Variants in CELF2 observed in about 807,000 individuals in gnomAD.
CELF2 encodes CUGBP Elav-like family member 2, also known as CUG triplet repeat RNA-binding protein 2.
CELF2 carries 8 observed loss-of-function variants against 62.6 expected under a neutral mutation model. The ratio of observed to expected loss-of-function variants is 0.13; its 90% CI spans 0.07 to 0.23. CELF2 has a LOEUF of 0.23. Among genes scored for constraint, CELF2 ranks in the 10% least tolerant of loss-of-function variants. The pLI is 1.00. For synonymous variants in CELF2, 258 were observed against 250.0 expected (o/e 1.03, Z -0.30); for missense variants, 333 against 671.0 (o/e 0.50, Z 5.56).
the CELF2 span, among the ~76,000 whole-genome samples, chr10:10,504,718 TG>T: frequency 6.6e-6 from 1 of 152,098 alleles, no homozygotes; most frequent in Non-Finnish European, 1.5e-5. Context: ...TCTGAGTCCA[TG>T]TTTTTTTTTC....
At chr10:11,250,575 G>A (rs1033191161) in intron 4 of CELF2, among the ~76,000 whole-genome samples, 1 of 152,184 alleles carries the variant, frequency 6.6e-6, no homozygotes, top group Non-Finnish European at 1.5e-5. Context: ...CGTGTGCCAC[G>A]CATGTTGCTA....
intron 2 of CELF2, among the ~76,000 whole-genome samples, chr10:11,204,518 G>A (rs1284119535): frequency 3.9e-5 from 6 of 152,212 alleles, no homozygotes; most frequent in African/African-American, 4.8e-5. Flanking sequence ...AGGAACCTCC[G>A]GTGCCTGGCA....
chr10:10,736,745 T>C, the CELF2 span, among the ~76,000 whole-genome samples: 6 of 152,112 alleles, frequency 3.9e-5, no homozygotes, highest in African/African-American at 1.2e-4. Flanking sequence ...ATCATCAATT[T>C]TGCAGGACTC....
At chr10:10,544,075 C>T in the CELF2 span, among the ~76,000 whole-genome samples, 2 of 152,182 alleles carry the variant, frequency 1.3e-5, no homozygotes, top group African/African-American at 4.8e-5. Flanking sequence ...AGGAGTAGAA[C>T]ACGGATTTAG....
the CELF2 span, among the ~76,000 whole-genome samples, chr10:10,525,358 GA>G: frequency 0.015 from 2,237 of 152,174 alleles, 60 homozygotes; most frequent in African/African-American, 0.05. Context: ...AACCTGATGA[GA>G]TTTTTTTGCA....
the CELF2 span, among the ~76,000 whole-genome samples, chr10:10,676,944 A>G: frequency 3.3e-5 from 5 of 152,192 alleles, no homozygotes; most frequent in Admixed American, 6.5e-5. Flanking sequence ...CTTTACAATC[A>G]TTCATTATTC....
intron 2 of CELF2, chr10:10,946,853 A>G (rs1489051318): frequency 6.6e-6 from 1 of 152,214 alleles, no homozygotes; most frequent in Non-Finnish European, 1.5e-5. Flanking sequence ...TCCAGAGACT[A>G]TGTTCTTAGC....
chr10:11,291,738 G>A (rs1258323945), intron 9 of CELF2, among the ~76,000 whole-genome samples: 2 of 152,050 alleles, frequency 1.3e-5, no homozygotes, highest in Admixed American at 1.3e-4. Flanking sequence ...ACCTGTTTTT[G>A]ACGACTGTGT....
chr10:10,763,453 C>G, the CELF2 span, among the ~76,000 whole-genome samples: 1 of 151,900 alleles, frequency 6.6e-6, no homozygotes, highest in African/African-American at 2.4e-5. Flanking sequence ...GAAACGCTGC[C>G]CCGGTCAGGA....
At chr10:10,987,398 T>C (rs1293406199) in intron 2 of CELF2, among the ~76,000 whole-genome samples, 1 of 152,150 alleles carries the variant, frequency 6.6e-6, no homozygotes, top group Non-Finnish European at 1.5e-5. Flanking sequence ...CACACACATA[T>C]ACTGCTTAGT....
the CELF2 span, among the ~76,000 whole-genome samples, chr10:10,700,661 T>TAGTG: frequency 6.6e-6 from 1 of 152,218 alleles, no homozygotes; most frequent in Non-Finnish European, 1.5e-5. Flanking sequence ...ATGTATCTCC[T>TAGTG]AGTGACTCCT....
At chr10:10,705,599 A>T in the CELF2 span, among the ~76,000 whole-genome samples, 2 of 152,144 alleles carry the variant, frequency 1.3e-5, no homozygotes, top group Non-Finnish European at 2.9e-5. Flanking sequence ...AGCACTTAAG[A>T]GATCAGAAAA....
chr10:10,838,894 C>T (rs1190169935), intron 1 of CELF2, among the ~76,000 whole-genome samples: 1 of 152,038 alleles, frequency 6.6e-6, no homozygotes, highest in Non-Finnish European at 1.5e-5. Flanking sequence ...AATCCCAGCA[C>T]TTTGGGAGGC....
At chr10:10,651,769 GAAA>G in the CELF2 span, among the ~76,000 whole-genome samples, 20 of 150,712 alleles carry the variant, frequency 1.3e-4, no homozygotes, top group Non-Finnish European at 2.7e-4. Flanking sequence ...CAAAGATGGG[GAAA>G]AAAAAAGCAC....
intron 1 of CELF2, among the ~76,000 whole-genome samples, chr10:11,007,334 T>C (rs998353582): frequency 9.2e-5 from 14 of 152,218 alleles, no homozygotes; most frequent in Non-Finnish European, 1.6e-4. Context: ...ACATGAGCTA[T>C]TTTTTAGAAT....
chr10:11,261,487 T>G (rs1301428177), intron 5 of CELF2, among the ~76,000 whole-genome samples: 1 of 151,978 alleles, frequency 6.6e-6, no homozygotes, highest in African/African-American at 2.4e-5. Context: ...AAATCCCATC[T>G]TACTCAGCGG....
rs558730938 is a variant in CELF2, at chr10:11,083,365, C to G, written c.74+65202C>G. On this transcript the variant is annotated intron_variant, in intron 1 of 12. Coordinates refer to ENST00000633077, the MANE Select transcript of CELF2 (RefSeq NM_001326342.2). ...GTGAAAGGGGCTTCTAGGAAGGAACCCTTAAATGTAAATGTAATTGAGTTT... is the reference window on the plus strand; with the variant it reads ...GTGAAAGGGGCTTCTAGGAAGGAACGCTTAAATGTAAATGTAATTGAGTTT... Among the ~76,000 whole-genome samples the G allele has an allele frequency of 2.6e-4, 40 of 152,190 alleles. 1 individual carries two copies. In the South Asian group the frequency reaches 8.1e-3, roughly 31 times the overall value.
At chr10:10,727,775 CA>C in the CELF2 span, among the ~76,000 whole-genome samples, 97,662 of 139,042 alleles carry the variant, frequency 0.7, 33,893 homozygotes, top group South Asian at 0.81. Context: ...GACTCTGTCT[CA>C]AAAAAAAAAA....
At chr10:10,797,898 C>T (rs1379943871), upstream of CELF2, among the ~76,000 whole-genome samples, 1 of 152,096 alleles carries the variant, frequency 6.6e-6, no homozygotes, top group Non-Finnish European at 1.5e-5. Context: ...ACAATACTGC[C>T]TGGATATCTT....
Sources: gnomAD v4.1 joint callset for allele counts (sites outside exome capture counted in the v4.1 genomes callset) on GRCh38, gnomAD v4.1.1 for gene constraint, MANE v1.5 for transcripts, NCBI Gene and HGNC (gene_info 2026-07-23, HGNC 2026-07-21) for gene names.